Variants in PTPRD observed in about 807,000 individuals in gnomAD.
PTPRD encodes the protein protein tyrosine phosphatase receptor type D, also known as receptor-type tyrosine-protein phosphatase delta.
A neutral mutation model predicts 214.5 loss-of-function variants in PTPRD; 34 were observed. The ratio of observed to expected loss-of-function variants is 0.16; its 90% CI spans 0.12 to 0.21. The LOEUF is 0.21. Among genes scored for constraint, PTPRD ranks in the 10% least tolerant of loss-of-function variants. PTPRD has a pLI of 1.00. For synonymous variants in PTPRD, 1,128 were observed against 845.7 expected (o/e 1.33, Z -5.79); for missense variants, 2,545 against 2,398.7 (o/e 1.06, Z -1.27).
chr9:9,052,328 G>T (rs1301405135), intron 10 of PTPRD, among the ~76,000 whole-genome samples: 1 of 152,066 alleles, frequency 6.6e-6, no homozygotes, highest in Non-Finnish European at 1.5e-5. Context: ...GGAACATAAA[G>T]ATTTATTCAT....
chr9:9,166,050 A>C (rs1172393174), intron 10 of PTPRD, among the ~76,000 whole-genome samples: 1 of 152,134 alleles, frequency 6.6e-6, no homozygotes, highest in Non-Finnish European at 1.5e-5. Context: ...GTATTAAAAA[A>C]ACCTGTGGTG....
intron 2 of PTPRD, among the ~76,000 whole-genome samples, chr9:10,408,951 G>C (rs1476314100): frequency 6.6e-6 from 1 of 151,644 alleles, no homozygotes; most frequent in Non-Finnish European, 1.5e-5. Flanking sequence ...CTGTTCAATA[G>C]ATATATGCTG....
intron 9 of PTPRD, among the ~76,000 whole-genome samples, chr9:9,380,765 C>G (rs2061995174): frequency 6.6e-6 from 1 of 152,226 alleles, no homozygotes; most frequent in South Asian, 2.1e-4. Context: ...CTGACTATTT[C>G]TGATACAGGA....
intron 34 of PTPRD, among the ~76,000 whole-genome samples, chr9:8,445,558 T>C (rs2095691909): frequency 6.6e-6 from 1 of 152,322 alleles, no homozygotes; most frequent in East Asian, 1.9e-4. Context: ...TCCCGTATAT[T>C]TGTCCAGACT....
At chr9:9,561,709 C>T (rs2083001384) in intron 8 of PTPRD, among the ~76,000 whole-genome samples, 1 of 152,112 alleles carries the variant, frequency 6.6e-6, no homozygotes, top group Non-Finnish European at 1.5e-5. Flanking sequence ...ATAAAACATC[C>T]GTGTTGGTAA....
intron 2 of PTPRD, among the ~76,000 whole-genome samples, chr9:10,580,798 G>T (rs1054101487): frequency 6.6e-6 from 1 of 152,168 alleles, no homozygotes; most frequent in Non-Finnish European, 1.5e-5. Flanking sequence ...CAGAGTATCT[G>T]ATCCTTAAAT....
intron 2 of PTPRD, among the ~76,000 whole-genome samples, chr9:10,444,526 C>T: frequency 6.6e-6 from 1 of 151,630 alleles, no homozygotes; most frequent in Non-Finnish European, 1.5e-5. Flanking sequence ...ACTTTAACTC[C>T]AGCAATCAAG....
At chr9:9,760,086 A>G (rs886728132) in intron 6 of PTPRD, among the ~76,000 whole-genome samples, 1 of 152,124 alleles carries the variant, frequency 6.6e-6, no homozygotes, top group Non-Finnish European at 1.5e-5. Flanking sequence ...GAAGTTTCTC[A>G]TAGTGTCTTG....
At chr9:8,756,210 C>G (rs1565824015) in intron 11 of PTPRD, among the ~76,000 whole-genome samples, 1 of 152,162 alleles carries the variant, frequency 6.6e-6, no homozygotes, top group Non-Finnish European at 1.5e-5. Flanking sequence ...GGCCAAATCA[C>G]TCCCCTTCTC....
At chr9:8,470,148 G>C (rs1016752219) in intron 31 of PTPRD, among the ~76,000 whole-genome samples, 1 of 152,062 alleles carries the variant, frequency 6.6e-6, no homozygotes, top group Non-Finnish European at 1.5e-5. Context: ...TGAACTGATT[G>C]AAAACAGCAT....
Position 8,437,944 on chromosome 9 carries a change from G to T in PTPRD, c.3989-1255C>A, listed in dbSNP as rs941109079. On this transcript the variant is annotated intron_variant, in intron 34 of 45. Coordinates refer to ENST00000381196, the MANE Select transcript of PTPRD (RefSeq NM_002839.4). The stretch of plus-strand genomic sequence containing the variant: ...TTATTTCTTTCCTATTAATTTTACA[G>T]AAGTATCATGAAAGAGCATTGCTGA... 9.9e-5 allele frequency among the ~76,000 whole-genome samples: 15 copies of T among 152,176 alleles called. No individual in the cohort carries two copies. In the East Asian group the frequency reaches 2.7e-3, roughly 27 times the overall value.
chr9:8,450,347 A>T (rs968663761), intron 33 of PTPRD, among the ~76,000 whole-genome samples: 5 of 152,166 alleles, frequency 3.3e-5, no homozygotes, highest in Non-Finnish European at 5.9e-5. Flanking sequence ...GCAGGTAAAC[A>T]CAAGTGCATT....
At chr9:8,949,523 C>T (rs1014894272) in intron 11 of PTPRD, among the ~76,000 whole-genome samples, 22 of 151,990 alleles carry the variant, frequency 1.4e-4, no homozygotes, top group African/African-American at 4.8e-4. Context: ...TTGAAAGGTC[C>T]CTAGAAACTC....
Position 10,347,528 on chromosome 9 carries a change from A to T in PTPRD, c.-599-6511T>A, listed in dbSNP as rs571905316. ...TGGGTTCAAGCAATTCTCCTGCCTCAGCCTCCCAAGTAGCTGGGATTACAG... is the reference window on the plus strand; with the variant it reads ...TGGGTTCAAGCAATTCTCCTGCCTCTGCCTCCCAAGTAGCTGGGATTACAG... On this transcript the variant is annotated intron_variant, in intron 2 of 45. Coordinates refer to ENST00000381196, the MANE Select transcript of PTPRD (RefSeq NM_002839.4). 5.3e-5 allele frequency among the ~76,000 whole-genome samples: 8 copies of T among 149,614 alleles called. No homozygotes were observed. In the South Asian group the frequency reaches 1.7e-3, roughly 32 times the overall value.
chr9:10,034,652 A>G (rs530921579), intron 3 of PTPRD, among the ~76,000 whole-genome samples: 73 of 151,948 alleles, frequency 4.8e-4, no homozygotes, highest in African/African-American at 1.6e-3. Context: ...TTTAGCTCCC[A>G]CTTATAAGTG....
At chr9:9,785,410 C>T (rs188527703) in intron 5 of PTPRD, among the ~76,000 whole-genome samples, 3 of 152,112 alleles carry the variant, frequency 2.0e-5, no homozygotes, top group Admixed American at 2.0e-4. Context: ...AAGTATATAT[C>T]ATTATCATGT....
rs540351543 is a variant in PTPRD, at chr9:9,980,623, A to C, written c.-471-42013T>G. On this transcript the variant is annotated intron_variant, in intron 4 of 45. Coordinates refer to ENST00000381196, the MANE Select transcript of PTPRD (RefSeq NM_002839.4). ...GACACCTTGTCAAAAAAAAACAAAA[A>C]AAAAAAAAAAACAAAAAAAAAAACC... Among the ~76,000 whole-genome samples the C allele has an allele frequency of 1.5e-3, 215 of 143,804 alleles. 4 individuals are homozygous for C. The highest frequency in any genetic ancestry group is 0.012 in the South Asian group (54 of 4,386). The allele number at this position is 143,804 out of a possible 152,430, so 94.3% of individuals were successfully genotyped here. A position where few individuals can be genotyped will look rare whatever the true frequency, so the allele number is the denominator to read the frequency against.
chr9:9,107,293 T>C (rs776398904), intron 10 of PTPRD, among the ~76,000 whole-genome samples: 12 of 152,126 alleles, frequency 7.9e-5, no homozygotes, highest in Non-Finnish European at 1.6e-4. Flanking sequence ...AGAATATTGG[T>C]TGCATTTCCT....
intron 9 of PTPRD, among the ~76,000 whole-genome samples, chr9:9,267,795 CA>C (rs34612280): frequency 6.1e-4 from 90 of 148,196 alleles, no homozygotes; most frequent in African/African-American, 6.9e-4. Context: ...TTTCAATAGA[CA>C]AAAAAAAAGC....
Sources: allele counts gnomAD v4.1 joint callset (sites outside exome capture counted in the v4.1 genomes callset), GRCh38; gene constraint gnomAD v4.1.1; transcripts MANE v1.5; gene names NCBI Gene and HGNC (gene_info 2026-07-23, HGNC 2026-07-21).